STX17: variants seen among roughly 807,000 people sequenced by gnomAD.
The protein encoded by STX17 is syntaxin 17, also known as syntaxin-17.
STX17 carries 29 observed loss-of-function variants against 35.9 expected under a neutral mutation model. The ratio of observed to expected loss-of-function variants is 0.81; its 90% confidence interval spans 0.60 to 1.10. The LOEUF (loss-of-function observed/expected upper bound fraction) is 1.10. Ranked by LOEUF, STX17 falls within the 50% of genes least tolerant of loss-of-function variation. The pLI is 0.00. For synonymous variants in STX17, 92 were observed against 118.3 expected (o/e 0.78, Z 1.44); for missense variants, 312 against 352.3 (o/e 0.89, Z 0.92).
chr9:99,958,967 T>G (rs1829770949), intron 4 of STX17, among the ~76,000 whole-genome samples: 1 of 152,230 alleles, frequency 6.6e-6, no homozygotes, highest in South Asian at 2.1e-4. Flanking sequence ...TGGTAATGTT[T>G]GGTGACAATC....
rs1221853511 is a variant in STX17, at chr9:99,934,375, A to G, written c.189+5532A>G. Among the ~76,000 whole-genome samples the G allele has an allele frequency of 2.0e-5, 3 of 152,196 alleles. No individual in the cohort carries two copies. The East Asian group carries it at 5.8e-4, about 29-fold the overall frequency. ...AATACCTGTATAAGATGCTCATTAG[A>G]TATTTGTTAAATAAATGGAGACCTT... is the stretch of plus-strand genomic sequence containing the variant. On this transcript the variant is annotated intron_variant, in intron 3 of 7. Coordinates refer to ENST00000259400, the MANE Select transcript of STX17 (RefSeq NM_017919.3).
intron 2 of STX17, among the ~76,000 whole-genome samples, chr9:99,925,528 T>C (rs550521422): frequency 2.0e-5 from 3 of 152,316 alleles, no homozygotes; most frequent in Non-Finnish European, 4.4e-5. Flanking sequence ...ACATTCCTTC[T>C]AGCACACCTT....
At chr9:99,963,165 C>T (rs1564075561) in intron 6 of STX17, among the ~76,000 whole-genome samples, 1 of 152,122 alleles carries the variant, frequency 6.6e-6, no homozygotes, top group African/African-American at 2.4e-5. Flanking sequence ...ATAAAAAGAA[C>T]TTACAAAGCC....
chr9:99,969,389 A>C lies in STX17; in HGVS notation c.*716A>C, dbSNP rs1829981012. On this transcript the variant is annotated 3_prime_UTR_variant, in exon 8 of 8. Transcript: ENST00000259400. ...GTCAGCCTGTCTTCTAACACCTCAA[A>C]GATCTTGTGCCCTGTGCTGTCCCTC... 6.6e-6 allele frequency: 1 copy of C among 152,140 alleles called. No individual in the cohort carries two copies. Among genetic ancestry groups the C allele is most frequent in the Non-Finnish European group, 1.5e-5 (1 of 68,028 alleles). The allele number at this position is 152,140 out of a possible 1,614,324, so 9.4% of individuals were successfully genotyped here.
Position 99,916,430 on chromosome 9 carries a change from TATTCATTCATTC to T in STX17, c.123+1093_123+1104del, listed in dbSNP as rs551222708. Among the ~76,000 whole-genome samples, 17 of 80,738 alleles carry T rather than the reference TATTCATTCATTC, an allele frequency of 2.1e-4. No individual in the cohort carries two copies. In the East Asian group the frequency reaches 2.1e-3, roughly 10 times the overall value. 53.0% of individuals were successfully genotyped at this position (80,738 alleles called of 152,430 possible). A position where few individuals can be genotyped will look rare whatever the true frequency, so the allele number is the denominator to read the frequency against. ...TTATTTATTTATTTATTTATTTATT[TATTCATTCATTC>T]ATTCATTCATTCATTCATTCATTCT... On this transcript the variant is annotated intron_variant, in intron 2 of 7. Coordinates refer to ENST00000259400, the MANE Select transcript of STX17 (RefSeq NM_017919.3).
At chr9:99,967,073 G>A (rs971286817) in intron 6 of STX17, among the ~76,000 whole-genome samples, 2 of 152,182 alleles carry the variant, frequency 1.3e-5, no homozygotes, top group African/African-American at 4.8e-5. Flanking sequence ...ATACACAGGT[G>A]TAAAGCACAG....
At position 99,957,247 on chromosome 9, in the gene STX17, G is replaced by A. The variant is rs548742175; in HGVS notation, c.416-2670G>A. Among the ~76,000 whole-genome samples, 20 of 152,232 alleles carry A rather than the reference G, an allele frequency of 1.3e-4. 1 individual carries two copies. In the South Asian group the frequency reaches 4.1e-3, roughly 32 times the overall value. On this transcript the variant is annotated intron_variant, in intron 4 of 7. Transcript: ENST00000259400. ...CAAGTTTTCTAGAAAGGCTTCCCATGAGTTGCATACCATATCAAACTGGAT... is the reference window on the plus strand; with the variant it reads ...CAAGTTTTCTAGAAAGGCTTCCCATAAGTTGCATACCATATCAAACTGGAT...
chr9:99,927,830 A>C (rs769540285), intron 2 of STX17, among the ~76,000 whole-genome samples: 1 of 152,156 alleles, frequency 6.6e-6, no homozygotes, highest in Non-Finnish European at 1.5e-5. Context: ...ATTATGTAAA[A>C]ATTTTAGGAG....
intron 6 of STX17, among the ~76,000 whole-genome samples, chr9:99,962,938 A>C (rs943389489): frequency 2.0e-5 from 3 of 152,192 alleles, no homozygotes; most frequent in African/African-American, 7.2e-5. Flanking sequence ...CATCACATGG[A>C]CATGATAGTG....
At chr9:99,945,731 AT>A in intron 3 of STX17, 1 of 405,540 alleles carries the variant, frequency 2.5e-6, no homozygotes, top group Non-Finnish European at 4.9e-6. Context: ...TAGGAACTAC[AT>A]TTGAGCCTTC....
chr9:99,967,085 A>G (rs1026242651), intron 6 of STX17, among the ~76,000 whole-genome samples: 9 of 152,232 alleles, frequency 5.9e-5, no homozygotes, highest in Non-Finnish European at 1.3e-4. Context: ...AAAGCACAGA[A>G]CAGTGATTTC....
At chr9:99,928,684 T>G (rs979828487) in intron 2 of STX17, 94 bp from the exon 3 acceptor site, 13 of 1,005,728 alleles carry the variant, frequency 1.3e-5, no homozygotes, top group Non-Finnish European at 2.0e-5. Context: ...ATAGTATGTT[T>G]AAGTTTGGGT....
At chr9:99,931,007 C>T (rs1223807528) in intron 3 of STX17, among the ~76,000 whole-genome samples, 5 of 152,072 alleles carry the variant, frequency 3.3e-5, no homozygotes, top group Non-Finnish European at 5.9e-5. Flanking sequence ...GATGGAGTCT[C>T]GCTCTTTCGC....
At chr9:99,931,799 C>A (rs978438985) in intron 3 of STX17, among the ~76,000 whole-genome samples, 5 of 151,992 alleles carry the variant, frequency 3.3e-5, no homozygotes, top group Non-Finnish European at 1.5e-5. Flanking sequence ...CCTTTGAATT[C>A]TTTTTTTCTG....
chr9:99,912,580 A>G (rs1828687184), intron 1 of STX17, among the ~76,000 whole-genome samples: 2 of 152,110 alleles, frequency 1.3e-5, no homozygotes, highest in African/African-American at 4.8e-5. Context: ...GTCTTTGTTG[A>G]TTGTTTTAAA....
chr9:99,962,837 T>C (rs1251883933), intron 6 of STX17, among the ~76,000 whole-genome samples: 1 of 152,162 alleles, frequency 6.6e-6, no homozygotes, highest in East Asian at 1.9e-4. Flanking sequence ...GACTAAGTTC[T>C]CATGACCACA....
intron 3 of STX17, among the ~76,000 whole-genome samples, chr9:99,935,412 T>C (rs768477483): frequency 2.0e-5 from 3 of 152,030 alleles, no homozygotes; most frequent in Non-Finnish European, 4.4e-5. Flanking sequence ...TAAGTTGATA[T>C]ATGTTCTTTT....
chr9:99,964,864 C>T (rs1229051157), intron 6 of STX17, among the ~76,000 whole-genome samples: 2 of 152,088 alleles, frequency 1.3e-5, no homozygotes, highest in African/African-American at 4.8e-5. Context: ...TAACTGTAAC[C>T]TTTGTGGGGG....
intron 1 of STX17, among the ~76,000 whole-genome samples, chr9:99,911,482 C>A (rs1239594399): frequency 6.6e-6 from 1 of 152,102 alleles, no homozygotes; most frequent in Admixed American, 6.5e-5. Context: ...GTAGGTATCT[C>A]TTTGATATAC....
Sources: gnomAD v4.1 joint callset for allele counts (sites outside exome capture counted in the v4.1 genomes callset) on GRCh38, gnomAD v4.1.1 for gene constraint, MANE v1.5 for transcripts, NCBI Gene and HGNC (gene_info 2026-07-23, HGNC 2026-07-21) for gene names.